The following SLC12A4 variants were observed in gnomAD, a reference collection of about 807,000 sequenced individuals.
SLC12A4 encodes the protein electroneutral potassium-chloride cotransporter 1.
In SLC12A4, 84 loss-of-function variants were observed where a neutral mutation model predicts 119.2. The observed-to-expected ratio is 0.70, with a 90% CI of 0.59 to 0.85. The LOEUF (loss-of-function observed/expected upper bound fraction) is 0.85, where lower values mean the gene tolerates loss of function less well. SLC12A4 is among the 40% of genes least tolerant of loss of function. The pLI is 0.00. For synonymous variants in SLC12A4, 599 were observed against 604.6 expected (o/e 0.99, Z 0.14); for missense variants, 1,298 against 1,476.3 (o/e 0.88, Z 1.98).
chr16:67,966,835 C>G (rs1221723825), intron 1 of SLC12A4: 3 of 1,547,912 alleles, frequency 1.9e-6, no homozygotes, highest in Non-Finnish European at 2.6e-6. Flanking sequence ...GGAAGGGAGG[C>G]AGTGGGAGGA....
chr16:67,943,571 C>A lies in SLC12A4; in HGVS notation c.*1269G>T. 1 of 505,832 alleles carries A rather than the reference C, an allele frequency of 2.0e-6. No individual in the cohort carries two copies. The highest frequency in any genetic ancestry group is 3.6e-6 in the Non-Finnish European group (1 of 277,060). 31.3% of individuals were successfully genotyped at this position (505,832 alleles called of 1,614,324 possible). A position where few individuals can be genotyped will look rare whatever the true frequency, so the allele number is the denominator to read the frequency against. ...CTAATAGGGGCCGGGCATGGATGGGCCTCTCCTGCTCACCGATCCTGGGCT... is the reference window on the plus strand; with the variant it reads ...CTAATAGGGGCCGGGCATGGATGGGACTCTCCTGCTCACCGATCCTGGGCT... On this transcript the variant is annotated 3_prime_UTR_variant, in exon 24 of 24. Coordinates refer to ENST00000316341, the MANE Select transcript of SLC12A4 (RefSeq NM_005072.5). This position sits in a 1 kb window ranked among gnomAD's most constrained non-coding sequence, Gnocchi z 4.6.
chr16:67,952,169 T>G lies in SLC12A4; in HGVS notation c.917+15A>C. 6.2e-7 allele frequency: 1 copy of G among 1,613,388 alleles called. No individual in the cohort carries two copies. Among genetic ancestry groups the G allele is most frequent in the Non-Finnish European group, 8.5e-7 (1 of 1,179,430 alleles). ...ATGTCCATGCAATGCCCAGATAAATTCCTGGGTTACTTACGGAAACACGGG... is the reference window on the plus strand; with the variant it reads ...ATGTCCATGCAATGCCCAGATAAATGCCTGGGTTACTTACGGAAACACGGG... On this transcript the variant is annotated intron_variant, in intron 7 of 23. Coordinates refer to ENST00000316341, the MANE Select transcript of SLC12A4 (RefSeq NM_005072.5).
At chr16:67,961,485 G>C (rs1299583346) in intron 3 of SLC12A4, 90 bp downstream of exon 3, 4 of 1,531,360 alleles carry the variant, frequency 2.6e-6, no homozygotes, top group Non-Finnish European at 3.5e-6. Context: ...TTCCCCCAGT[G>C]TGCTCACCAC....
In SLC12A4 at chr16:67,944,662, C is replaced by G; in HGVS notation, c.*178G>C. 1 of 1,427,890 alleles carries G rather than the reference C, an allele frequency of 7.0e-7. No homozygotes were observed. Among genetic ancestry groups the G allele is most frequent in the Non-Finnish European group, 9.1e-7 (1 of 1,094,840 alleles). The allele number at this position is 1,427,890 out of a possible 1,614,324, so 88.5% of individuals were successfully genotyped here. A position where few individuals can be genotyped will look rare whatever the true frequency, so the allele number is the denominator to read the frequency against. ...CCCAGGGTCCCACAAGACCTGGGAT[C>G]CATCTCCATTTTGAGGCCCAGGCCT... On this transcript the variant is annotated 3_prime_UTR_variant, in exon 24 of 24. Transcript: ENST00000316341. The surrounding 1 kb of genome is among the most constrained non-coding windows in gnomAD (Gnocchi z 6.6).
intron 1 of SLC12A4, among the ~76,000 whole-genome samples, chr16:67,967,621 G>A (rs1382105881): frequency 6.6e-6 from 1 of 152,174 alleles, no homozygotes; most frequent in East Asian, 1.9e-4. Context: ...GGGCTGTGGA[G>A]AGACGCGGGC....
chr16:67,947,201 T>C (rs1185896430), intron 16 of SLC12A4, 96 bp from the exon 17 acceptor site: 5 of 1,508,702 alleles, frequency 3.3e-6, no homozygotes, highest in Non-Finnish European at 4.5e-6. Flanking sequence ...CCCTGCAGGT[T>C]TGGGTAGCAT....
In SLC12A4 at chr16:67,943,531, G is replaced by T. The variant is rs2058306224; in HGVS notation, c.*1309C>A. 1 of 515,902 alleles carries T rather than the reference G, an allele frequency of 1.9e-6. No homozygotes were observed. Among genetic ancestry groups the T allele is most frequent in the Non-Finnish European group, 3.5e-6 (1 of 282,890 alleles). 32.0% of individuals were successfully genotyped at this position (515,902 alleles called of 1,614,324 possible). On this transcript the variant is annotated 3_prime_UTR_variant, in exon 24 of 24. Coordinates refer to ENST00000316341, the MANE Select transcript of SLC12A4 (RefSeq NM_005072.5). The surrounding 1 kb of genome is among the most constrained non-coding windows in gnomAD (Gnocchi z 4.6). ...AAGGTGGGAACAGATAGGTCTGGGG[G>T]CATGGGGGCTGGGCCTAATAGGGGC...
In SLC12A4 at chr16:67,949,658, G is replaced by A. The variant is rs546327857; in HGVS notation, c.1748+142C>T. 4.6e-4 allele frequency: 279 copies of A among 605,542 alleles called. No homozygotes were observed. Among genetic ancestry groups the A allele is most frequent in the Middle Eastern group, 1.7e-3 (4 of 2,350 alleles). The allele number at this position is 605,542 out of a possible 1,614,324, so 37.5% of individuals were successfully genotyped here. On this transcript the variant is annotated intron_variant, in intron 13 of 23. Transcript: ENST00000316341. This position sits in a 1 kb window ranked among gnomAD's most constrained non-coding sequence, Gnocchi z 4.6. ...GGCTTGCTCCTAAATGCAGGGGTGG[G>A]CTGAGCCCTGTCAGGCCACATCTCC...
chr16:67,951,567 G>T lies in SLC12A4; in HGVS notation c.1132+256C>A. On this transcript the variant is annotated intron_variant, in intron 8 of 23. Coordinates refer to ENST00000316341, the MANE Select transcript of SLC12A4 (RefSeq NM_005072.5). The surrounding 1 kb of genome is among the most constrained non-coding windows in gnomAD (Gnocchi z 5.2). ...TTCCACAGAGGCCTTTATGGATCCT[G>T]TGGGAACATCCCCAGGCAGTGTCAG... 1.6e-6 allele frequency: 1 copy of T among 609,286 alleles called. No individual in the cohort carries two copies. The highest frequency in any genetic ancestry group is 2.9e-6 in the Non-Finnish European group (1 of 346,604). The allele number at this position is 609,286 out of a possible 1,614,324, so 37.7% of individuals were successfully genotyped here.
Position 67,950,083 on chromosome 16 carries a change from A to T in SLC12A4, c.1630-165T>A. On this transcript the variant is annotated intron_variant, in intron 12 of 23. Coordinates refer to ENST00000316341, the MANE Select transcript of SLC12A4 (RefSeq NM_005072.5). The surrounding 1 kb of genome is among the most constrained non-coding windows in gnomAD (Gnocchi z 4.3). ...CCAGTCTCCCTGATTCCACCTCACC[A>T]GGCCTCTCTCCTTTGGATGAGCCCT... The T allele has an allele frequency of 1.4e-6, 1 of 692,918 alleles. No homozygotes were observed. Among genetic ancestry groups the T allele is most frequent in the Non-Finnish European group, 2.4e-6 (1 of 408,550 alleles). 42.9% of individuals were successfully genotyped at this position (692,918 alleles called of 1,614,324 possible). A position where few individuals can be genotyped will look rare whatever the true frequency, so the allele number is the denominator to read the frequency against.
Position 67,945,350 on chromosome 16 carries a change from C to G in SLC12A4, c.3032+19G>C. 6.2e-7 allele frequency: 1 copy of G among 1,605,444 alleles called. No individual in the cohort carries two copies. The highest frequency in any genetic ancestry group is 8.5e-7 in the Non-Finnish European group (1 of 1,174,118). On this transcript the variant is annotated intron_variant, in intron 22 of 23. Coordinates refer to ENST00000316341, the MANE Select transcript of SLC12A4 (RefSeq NM_005072.5). ...CCCCTAGATTCCAGTGCCGCTGGGG[C>G]TGTTTTTGCTGCACTCACGGCTTAA... is the stretch of plus-strand genomic sequence containing the variant.
At chr16:67,958,086 G>A (rs755231372) in intron 3 of SLC12A4, 42 bp from the exon 4 acceptor site, 1 of 1,597,658 alleles carries the variant, frequency 6.3e-7, no homozygotes, top group South Asian at 1.1e-5. Context: ...AGCATCAGAG[G>A]GATGCACCAT....
chr16:67,944,921 G>T lies in SLC12A4; in HGVS notation c.3177C>A (p.Phe1059Leu). The T allele has an allele frequency of 6.2e-7, 1 of 1,613,398 alleles. No homozygotes were observed. The change falls in exon 24 of 24, where the codon TTC (phenylalanine) becomes TTA (leucine). Residue 1059 changes from phenylalanine to leucine, a missense_variant. Phe to Leu is a conservative substitution (Grantham distance 22, BLOSUM62 0). Coordinates refer to ENST00000316341, the MANE Select transcript of SLC12A4 (RefSeq NM_005072.5). The surrounding 1 kb of genome is among the most constrained non-coding windows in gnomAD (Gnocchi z 6.6). ...NSEGDENYME[F>L]LEVLTEGLER... ...CAAGGCCCTCGGTCAGCACCTCGAG[G>T]AACTCCATGTCTGCAGGGCCTCAAG...
chr16:67,963,548 G>T lies in SLC12A4; in HGVS notation c.127C>A (p.His43Asn). The T allele has an allele frequency of 6.3e-7, 1 of 1,579,646 alleles. No homozygotes were observed. The highest frequency in any genetic ancestry group is 1.2e-5 in the South Asian group (1 of 86,376). The change falls in exon 2 of 24, where the codon CAC becomes AAC. Residue 43 changes from histidine (H) to asparagine (N), a missense_variant. Physicochemically the swap from His to Asn is moderately conservative, Grantham distance 68. Coordinates refer to ENST00000316341, the MANE Select transcript of SLC12A4 (RefSeq NM_005072.5). ...GAAAGAAAAGGGCTGCTCTCTCTGT[G>T]GTTGCCATGTCCTGTGAAGAGAGAG... ...ELDDSDGHGN[H>N]RESSPFLSPL...
In SLC12A4 at chr16:67,947,066, G is replaced by C. The variant is rs11860125; in HGVS notation, c.2112C>G (p.Leu704=). The C allele has an allele frequency of 0.067, 107,394 of 1,609,190 alleles. 7,976 individuals carry two copies. The highest frequency in any genetic ancestry group is 0.38 in the African/African-American group (28,802 of 74,846). The change falls in exon 17 of 24, where the codon CTC becomes CTG. Residue 704 remains leucine, a synonymous_variant. Coordinates refer to ENST00000316341, the MANE Select transcript of SLC12A4 (RefSeq NM_005072.5). ...LLVLLKLDED[L]HVKYPRLLTF... ...TGAGGAGCCGCGGGTACTTCACGTG[G>C]AGGTCCTCGTCCAGCTTCAGCAGCA...
At position 67,952,267 on chromosome 16, in the gene SLC12A4, C is replaced by A; in HGVS notation, c.834G>T (p.Ser278=). The A allele has an allele frequency of 6.2e-7, 1 of 1,614,082 alleles. No homozygotes were observed. Among genetic ancestry groups the A allele is most frequent in the South Asian group, 1.1e-5 (1 of 91,082 alleles). Reference sequence around the variant, plus strand: ...AGATGATCACACAGGCCAGGAAGAGCGAGGCAAATTTGTTCACATACTTGA... The same window carrying A: ...AGATGATCACACAGGCCAGGAAGAGAGAGGCAAATTTGTTCACATACTTGA... The part of the protein sequence containing the change: ...VGVKYVNKFA[S]LFLACVIISI... The change falls in exon 7 of 24, where the codon TCG becomes TCT. Residue 278 remains serine (S), a synonymous_variant. Transcript: ENST00000316341.
intron 3 of SLC12A4, among the ~76,000 whole-genome samples, chr16:67,959,202 G>A (rs1335041349): frequency 6.6e-6 from 1 of 152,174 alleles, no homozygotes; most frequent in African/African-American, 2.4e-5. Context: ...CCAGCCAGGA[G>A]GCCAGGGCAG....
At chr16:67,948,577 G>C (rs2058378386) in intron 13 of SLC12A4, among the ~76,000 whole-genome samples, 1 of 152,242 alleles carries the variant, frequency 6.6e-6, no homozygotes, top group African/African-American at 2.4e-5. Flanking sequence ...ACCAGTCAGA[G>C]ATACTTAAGA....
chr16:67,965,485 C>T (rs1318432876), intron 1 of SLC12A4, among the ~76,000 whole-genome samples: 2 of 152,192 alleles, frequency 1.3e-5, no homozygotes, highest in African/African-American at 4.8e-5. Context: ...CCTTCCTCTG[C>T]ATGGTTTTCA....
Sources: gnomAD v4.1 joint callset for allele counts (sites outside exome capture counted in the v4.1 genomes callset) on GRCh38, gnomAD v4.1.1 for gene constraint, Gnocchi (gnomAD v3.1) non-coding constraint, MANE v1.5 for transcripts, NCBI Gene and HGNC (gene_info 2026-07-23, HGNC 2026-07-21) for gene names.